CAMK1D: variants seen among roughly 807,000 people sequenced by gnomAD.
The protein encoded by CAMK1D is calcium/calmodulin dependent protein kinase ID.
A neutral mutation model predicts 47.7 loss-of-function variants in CAMK1D; 9 were observed. The observed-to-expected ratio is 0.19, with a 90% CI of 0.11 to 0.33. The LOEUF (loss-of-function observed/expected upper bound fraction) is 0.33, where lower values mean the gene tolerates loss of function less well. Ranked by LOEUF, CAMK1D falls within the 10% of genes least tolerant of loss-of-function variation. CAMK1D has a pLI of 1.00. For missense variants in CAMK1D, 291 were observed against 488.7 expected, an observed-to-expected ratio of 0.60 and a Z score of 3.81; for synonymous variants, 184 against 184.9, an observed-to-expected ratio of 0.99 and a Z score of 0.04.
At chr10:12,613,874 G>A (rs1588690426) in intron 2 of CAMK1D, among the ~76,000 whole-genome samples, 1 of 152,138 alleles carries the variant, frequency 6.6e-6, no homozygotes, top group South Asian at 2.1e-4. Flanking sequence ...ATAATATCCC[G>A]ATTGTACAGG....
At chr10:12,514,941 C>A (rs1196894819) in intron 1 of CAMK1D, among the ~76,000 whole-genome samples, 1 of 152,188 alleles carries the variant, frequency 6.6e-6, no homozygotes, top group African/African-American at 2.4e-5. Flanking sequence ...GCCTCTGCCT[C>A]CTGGGTTCAA....
At chr10:12,728,509 C>T (rs554007164) in intron 3 of CAMK1D, among the ~76,000 whole-genome samples, 11 of 152,186 alleles carry the variant, frequency 7.2e-5, no homozygotes, top group African/African-American at 2.7e-4. Flanking sequence ...AGTGGTCTGA[C>T]GGGATCTGTG....
At chr10:12,403,862 G>A (rs1330163192) in intron 1 of CAMK1D, among the ~76,000 whole-genome samples, 5 of 151,850 alleles carry the variant, frequency 3.3e-5, no homozygotes. Context: ...TGGCCCTGAT[G>A]TTACCATTGC....
intron 1 of CAMK1D, among the ~76,000 whole-genome samples, chr10:12,368,415 A>C (rs75132491): frequency 6.6e-6 from 1 of 151,708 alleles, no homozygotes; most frequent in Non-Finnish European, 1.5e-5. Context: ...AAAAAAAAAA[A>C]GTTTGTTGGG....
intron 1 of CAMK1D, among the ~76,000 whole-genome samples, chr10:12,467,147 C>T (rs1833616224): frequency 6.6e-6 from 1 of 151,902 alleles, no homozygotes. Flanking sequence ...AAGGGGTGTC[C>T]ACTCTCATGT....
chr10:12,664,284 G>A (rs1262127765), intron 2 of CAMK1D, among the ~76,000 whole-genome samples: 1 of 152,126 alleles, frequency 6.6e-6, no homozygotes, highest in African/African-American at 2.4e-5. Context: ...TTGCTTGATT[G>A]GTTGATGGAG....
intron 1 of CAMK1D, among the ~76,000 whole-genome samples, chr10:12,459,968 C>T (rs12573511): frequency 0.16 from 24,027 of 152,156 alleles, 1,998 homozygotes; most frequent in South Asian, 0.26. Context: ...ATTTGCGAGT[C>T]TGGGCTTTTC....
At chr10:12,698,630 T>C (rs893369507) in intron 3 of CAMK1D, among the ~76,000 whole-genome samples, 1 of 151,714 alleles carries the variant, frequency 6.6e-6, no homozygotes, top group Non-Finnish European at 1.5e-5. Context: ...CAGTGTGGTG[T>C]TTTTTACATT....
intron 1 of CAMK1D, among the ~76,000 whole-genome samples, chr10:12,422,397 G>T (rs1029829939): frequency 6.6e-6 from 1 of 152,188 alleles, no homozygotes; most frequent in African/African-American, 2.4e-5. Flanking sequence ...ATTACACAGT[G>T]ATCAGAAATG....
chr10:12,814,490 C>T (rs555952185), intron 7 of CAMK1D, among the ~76,000 whole-genome samples, 183 bp downstream of exon 7: 3 of 152,264 alleles, frequency 2.0e-5, no homozygotes, highest in Admixed American at 6.5e-5. Context: ...ATTTATTCCT[C>T]GCAGCTCTGG....
In CAMK1D at chr10:12,711,223, T is replaced by C. The variant is rs116729347; in HGVS notation, c.299+44413T>C. 5.5e-3 allele frequency among the ~76,000 whole-genome samples: 842 copies of C among 152,332 alleles called. 7 individuals are homozygous for C. The highest frequency in any genetic ancestry group is 0.019 in the African/African-American group (770 of 41,568). ...AGGTGATGTGGCAAGAACTTGTTTC[T>C]GAGGAATCCAAGATCTAGCCATTTT... On this transcript the variant is annotated intron_variant, in intron 3 of 10. Coordinates refer to ENST00000619168, the MANE Select transcript of CAMK1D (RefSeq NM_153498.4).
At chr10:12,354,311 C>T (rs1386883852) in intron 1 of CAMK1D, among the ~76,000 whole-genome samples, 1 of 152,076 alleles carries the variant, frequency 6.6e-6, no homozygotes, top group Non-Finnish European at 1.5e-5. Flanking sequence ...GTTTTGTGGC[C>T]TGTGGACTGC....
At chr10:12,431,824 CCTT>C (rs1461051198) in intron 1 of CAMK1D, among the ~76,000 whole-genome samples, 1 of 152,242 alleles carries the variant, frequency 6.6e-6, no homozygotes, top group Admixed American at 6.5e-5. Flanking sequence ...AGATTTACAA[CCTT>C]CTCACATCCG....
At chr10:12,730,637 A>C (rs1229680284) in intron 3 of CAMK1D, among the ~76,000 whole-genome samples, 1 of 152,110 alleles carries the variant, frequency 6.6e-6, no homozygotes, top group Non-Finnish European at 1.5e-5. Context: ...CAACATTAAG[A>C]GCTGGGGAGA....
intron 2 of CAMK1D, among the ~76,000 whole-genome samples, chr10:12,629,878 T>TC (rs1839327163): frequency 6.6e-6 from 1 of 152,190 alleles, no homozygotes; most frequent in South Asian, 2.1e-4. Flanking sequence ...TGTTGATGCC[T>TC]CCCAGGGCAG....
intron 3 of CAMK1D, among the ~76,000 whole-genome samples, chr10:12,733,110 C>T (rs1292104674): frequency 6.6e-6 from 1 of 152,238 alleles, no homozygotes; most frequent in Non-Finnish European, 1.5e-5. Flanking sequence ...CAGTCCAGAG[C>T]AAAGTGGCAG....
At chr10:12,399,638 T>C (rs1273784445) in intron 1 of CAMK1D, among the ~76,000 whole-genome samples, 1 of 152,174 alleles carries the variant, frequency 6.6e-6, no homozygotes, top group Non-Finnish European at 1.5e-5. Flanking sequence ...ATGCCAGTAA[T>C]GTCATAAGAG....
At chr10:12,421,340 A>G (rs1840041408) in intron 1 of CAMK1D, among the ~76,000 whole-genome samples, 1 of 152,016 alleles carries the variant, frequency 6.6e-6, no homozygotes, top group South Asian at 2.1e-4. Flanking sequence ...TGGGCAGGAC[A>G]AGCCCAGTGT....
chr10:12,474,260 G>A (rs541100897), intron 1 of CAMK1D, among the ~76,000 whole-genome samples: 37 of 146,942 alleles, frequency 2.5e-4, no homozygotes, highest in Non-Finnish European at 4.8e-4. Context: ...GTGCAGTGGT[G>A]CAATCTCGGC....
Sources: allele counts gnomAD v4.1 joint callset (sites outside exome capture counted in the v4.1 genomes callset), GRCh38; gene constraint gnomAD v4.1.1; transcripts MANE v1.5; gene names NCBI Gene and HGNC (gene_info 2026-07-23, HGNC 2026-07-21).